The following PHAX variants were observed in gnomAD, a reference collection of about 807,000 sequenced individuals.
PHAX encodes phosphorylated adaptor for RNA export.
Under a neutral mutation model 41.6 loss-of-function variants are expected in PHAX, and 31 were observed. The ratio of observed to expected loss-of-function variants is 0.75; its 90% CI spans 0.56 to 1.01. The LOEUF (loss-of-function observed/expected upper bound fraction) is 1.01. Among genes scored for constraint, PHAX ranks in the 50% least tolerant of loss-of-function variants. The pLI is 0.00. For synonymous variants in PHAX, 175 were observed against 164.9 expected, an observed-to-expected ratio of 1.06 and a Z score of -0.47; for missense variants, 453 against 472.9, an observed-to-expected ratio of 0.96 and a Z score of 0.39.
At chr5:126,609,016 C>T (rs1752036292) in intron 3 of PHAX, among the ~76,000 whole-genome samples, 1 of 144,070 alleles carries the variant, frequency 6.9e-6, no homozygotes, top group Non-Finnish European at 1.5e-5. Context: ...AAAAAACAAA[C>T]AAACAAACAT....
At chr5:126,616,322 C>G (rs1234597825) in intron 3 of PHAX, among the ~76,000 whole-genome samples, 4 of 152,066 alleles carry the variant, frequency 2.6e-5, no homozygotes, top group Non-Finnish European at 5.9e-5. Flanking sequence ...TCTTGAATTC[C>G]TGACCTCAGG....
At position 126,626,194 on chromosome 5, in the gene PHAX, A is replaced by ATAC. The variant is rs1752346719; in HGVS notation, c.*1351_*1352insACT. The ATAC allele has an allele frequency of 6.6e-6, 1 of 152,124 alleles. No homozygotes were observed. 9.4% of individuals were successfully genotyped at this position (152,124 alleles called of 1,614,324 possible). On this transcript the variant is annotated 3_prime_UTR_variant, in exon 5 of 5. Coordinates refer to ENST00000297540, the MANE Select transcript of PHAX (RefSeq NM_032177.4). ...CAGGAGTTTGAGACCAATCTAGGCA[A>ATAC]TGTAGTGAGACCCTGTCTCTAATTT...
intron 4 of PHAX, among the ~76,000 whole-genome samples, chr5:126,622,029 G>A (rs962142660): frequency 4.6e-5 from 7 of 152,070 alleles, no homozygotes; most frequent in African/African-American, 1.7e-4. Context: ...GTGCAGTGGT[G>A]AGATCTTGGC....
At chr5:126,613,241 C>T (rs982794837) in intron 3 of PHAX, among the ~76,000 whole-genome samples, 3 of 151,918 alleles carry the variant, frequency 2.0e-5, no homozygotes, top group Admixed American at 6.6e-5. Context: ...CACAGGTGCT[C>T]GGGAGGCTGA....
chr5:126,613,487 G>A (rs1561681168), intron 3 of PHAX, among the ~76,000 whole-genome samples: 2 of 152,058 alleles, frequency 1.3e-5, no homozygotes, highest in Non-Finnish European at 2.9e-5. Flanking sequence ...ACCAGCCTGG[G>A]TGACATGGTG....
intron 3 of PHAX, among the ~76,000 whole-genome samples, chr5:126,609,742 T>C (rs76674239): frequency 2.6e-5 from 4 of 151,772 alleles, no homozygotes; most frequent in African/African-American, 9.7e-5. Context: ...CCCTTTTTTT[T>C]GTTTGTTTGT....
At chr5:126,624,349 G>C (rs1024328501) in intron 4 of PHAX, among the ~76,000 whole-genome samples, 1 of 152,014 alleles carries the variant, frequency 6.6e-6, no homozygotes, top group Non-Finnish European at 1.5e-5. Flanking sequence ...GATACATTAA[G>C]GTAGAATAAG....
At chr5:126,621,432 C>T (rs150586629) in intron 4 of PHAX, among the ~76,000 whole-genome samples, 210 of 152,250 alleles carry the variant, frequency 1.4e-3, no homozygotes, top group African/African-American at 4.8e-3. Context: ...AAGCAATCCT[C>T]CTGCCTGGGC....
rs767679061 is a variant in PHAX, at chr5:126,604,092, C to CT, written c.620dup (p.Gly208ArgfsTer9). 4 of 1,612,908 alleles carry CT rather than the reference C, an allele frequency of 2.5e-6. No individual in the cohort carries two copies. The highest frequency in any genetic ancestry group is 1.1e-5 in the South Asian group (1 of 90,994). On this transcript the variant is annotated frameshift_variant, in exon 2 of 5. Coordinates refer to ENST00000297540, the MANE Select transcript of PHAX (RefSeq NM_032177.4). LOFTEE classifies it high-confidence loss of function. ...AAGGAAACGACCTGTCAAAGACAGG[C>CT]TAGGGAACAGACCAGAAATGAACTA...
At position 126,625,430 on chromosome 5, in the gene PHAX, C is replaced by T. The variant is rs1039379042; in HGVS notation, c.*586C>T. 2.6e-5 allele frequency: 4 copies of T among 152,088 alleles called. No homozygotes were observed. Among genetic ancestry groups the T allele is most frequent in the Non-Finnish European group, 4.4e-5 (3 of 68,062 alleles). The allele number at this position is 152,088 out of a possible 1,614,324, so 9.4% of individuals were successfully genotyped here. A position where few individuals can be genotyped will look rare whatever the true frequency, so the allele number is the denominator to read the frequency against. Reference sequence around the variant, plus strand: ...AGGCCAACATGGTGAAACTTCATCTCTACTAAAAATACAAAAACTAGCCAG... The same window carrying T: ...AGGCCAACATGGTGAAACTTCATCTTTACTAAAAATACAAAAACTAGCCAG... On this transcript the variant is annotated 3_prime_UTR_variant, in exon 5 of 5. Coordinates refer to ENST00000297540, the MANE Select transcript of PHAX (RefSeq NM_032177.4).
chr5:126,610,050 T>C (rs11960347), intron 3 of PHAX, among the ~76,000 whole-genome samples: 23,596 of 152,220 alleles, frequency 0.16, 2,436 homozygotes, highest in East Asian at 0.31. Flanking sequence ...ACTTTTGTTA[T>C]GTAAGCACAG....
chr5:126,617,852 A>G (rs905891097), intron 4 of PHAX, among the ~76,000 whole-genome samples: 9 of 152,008 alleles, frequency 5.9e-5, no homozygotes, highest in Non-Finnish European at 1.2e-4. Context: ...CGGCTCAAGC[A>G]ATCCTCCTGC....
At chr5:126,608,828 C>T (rs1752031300) in intron 3 of PHAX, among the ~76,000 whole-genome samples, 1 of 151,372 alleles carries the variant, frequency 6.6e-6, no homozygotes, top group Admixed American at 6.6e-5. Flanking sequence ...CGCAGCTACT[C>T]AGGAGGCTGA....
chr5:126,607,417 A>G (rs200773755), intron 2 of PHAX, among the ~76,000 whole-genome samples: 87 of 41,828 alleles, frequency 2.1e-3, no homozygotes, highest in African/African-American at 9.5e-3. Context: ...TTTTTTTTTG[A>G]GACGGAGTTT....
intron 3 of PHAX, among the ~76,000 whole-genome samples, chr5:126,609,561 C>T (rs1166645490): frequency 6.6e-6 from 1 of 152,018 alleles, no homozygotes; most frequent in Non-Finnish European, 1.5e-5. Context: ...CCTCAGTCTC[C>T]TCAGCTGTAA....
Position 126,625,527 on chromosome 5 carries a change from G to A in PHAX, c.*683G>A, listed in dbSNP as rs557849671. 8.6e-5 allele frequency: 13 copies of A among 151,344 alleles called. No individual in the cohort carries two copies. The highest frequency in any genetic ancestry group is 2.9e-4 in the African/African-American group (12 of 41,152). The allele number at this position is 151,344 out of a possible 1,614,324, so 9.4% of individuals were successfully genotyped here. Reference sequence around the variant, plus strand: ...CAGGAGAATCACCTGAACCCGGGAGGCAAAGGTTGCAGTGAGCTGAGATCG... The same window carrying A: ...CAGGAGAATCACCTGAACCCGGGAGACAAAGGTTGCAGTGAGCTGAGATCG... On this transcript the variant is annotated 3_prime_UTR_variant, in exon 5 of 5. Coordinates refer to ENST00000297540, the MANE Select transcript of PHAX (RefSeq NM_032177.4).
Position 126,614,655 on chromosome 5 carries a change from T to G in PHAX, c.832-2595T>G, listed in dbSNP as rs143246399. 6.8e-3 allele frequency among the ~76,000 whole-genome samples: 1,038 copies of G among 152,166 alleles called. 11 individuals are homozygous for G. The highest frequency in any genetic ancestry group is 0.019 in the South Asian group (92 of 4,814). ...AAAATTGTGAAGATGACAAAATTTTTTTGTCATGTCTTTATTATCACAATA... is the reference window on the plus strand; with the variant it reads ...AAAATTGTGAAGATGACAAAATTTTGTTGTCATGTCTTTATTATCACAATA... On this transcript the variant is annotated intron_variant, in intron 3 of 4. Transcript: ENST00000297540.
Position 126,604,114 on chromosome 5 carries a change from A to G in PHAX, c.641A>G (p.Asn214Ser), listed in dbSNP as rs747812938. The change falls in exon 2 of 5, where the codon AAC becomes AGC. Residue 214 changes from asparagine to serine, a missense_variant. Asn to Ser is a conservative substitution (Grantham distance 46). Coordinates refer to ENST00000297540, the MANE Select transcript of PHAX (RefSeq NM_032177.4). ...KDRLGNRPEM[N>S]YKGRYEITAE... ...AGGCTAGGGAACAGACCAGAAATGA[A>G]CTATAAAGGTCGATACGAGATCACA... 1.4e-5 allele frequency: 23 copies of G among 1,603,304 alleles called. No homozygotes were observed. The highest frequency in any genetic ancestry group is 1.4e-5 in the Non-Finnish European group (16 of 1,176,738).
At chr5:126,611,777 CG>C (rs200655953) in intron 3 of PHAX, among the ~76,000 whole-genome samples, 1,872 of 146,072 alleles carry the variant, frequency 0.013, 52 homozygotes, top group African/African-American at 0.045. Flanking sequence ...GGTGACAGAG[CG>C]AGACCCTGTC....
Sources: gnomAD v4.1 joint callset for allele counts (sites outside exome capture counted in the v4.1 genomes callset) on GRCh38, gnomAD v4.1.1 for gene constraint, MANE v1.5 for transcripts, NCBI Gene and HGNC (gene_info 2026-07-23, HGNC 2026-07-21) for gene names.